PHACTR3: variants seen among roughly 807,000 people sequenced by gnomAD.
The protein encoded by PHACTR3 is phosphatase and actin regulator 3.
In PHACTR3, 16 loss-of-function variants were observed where a neutral mutation model predicts 66.8. The ratio of observed to expected loss-of-function variants is 0.24; its 90% confidence interval spans 0.16 to 0.36. The LOEUF is 0.36. Ranked by LOEUF, PHACTR3 falls within the 10% of genes least tolerant of loss-of-function variation. PHACTR3 has a pLI of 1.00. For missense variants in PHACTR3, 647 were observed against 719.9 expected (o/e 0.90, Z 1.16); for synonymous variants, 323 against 292.1 (o/e 1.11, Z -1.08).
chr20:59,604,525 C>T (rs2033587304), upstream of PHACTR3: 1 of 687,280 alleles, frequency 1.5e-6, no homozygotes, highest in Non-Finnish European at 1.8e-6. Context: ...AACAGATGCT[C>T]CAAGAACAGC....
intron 1 of PHACTR3, among the ~76,000 whole-genome samples, chr20:59,706,494 G>A (rs924183978): frequency 2.6e-5 from 4 of 152,186 alleles, no homozygotes; most frequent in African/African-American, 9.7e-5. Flanking sequence ...GGTTGGGCCT[G>A]GAGGCTACTC....
At chr20:59,825,399 T>G (rs1320528425) in intron 8 of PHACTR3, among the ~76,000 whole-genome samples, 1 of 152,212 alleles carries the variant, frequency 6.6e-6, no homozygotes, top group Admixed American at 6.5e-5. Context: ...CATTCATTCA[T>G]TCAGTCACTT....
intron 1 of PHACTR3, among the ~76,000 whole-genome samples, chr20:59,691,592 C>T (rs539069928): frequency 7.9e-5 from 12 of 152,210 alleles, no homozygotes; most frequent in African/African-American, 2.9e-4. Flanking sequence ...GTCCCTTTCC[C>T]TCATACCTTA....
chr20:59,809,698 CT>C (rs2041676974), intron 8 of PHACTR3, among the ~76,000 whole-genome samples: 1 of 152,092 alleles, frequency 6.6e-6, no homozygotes, highest in Admixed American at 6.5e-5. Flanking sequence ...AGCTCACAGC[CT>C]TTTTCTGTGA....
At chr20:59,726,280 G>GC (rs1171211163) in intron 1 of PHACTR3, among the ~76,000 whole-genome samples, 2 of 152,076 alleles carry the variant, frequency 1.3e-5, no homozygotes, top group East Asian at 1.9e-4. Flanking sequence ...CTTTTTGTTG[G>GC]CCCCCCAATC....
chr20:59,601,570 A>T (rs1600890346), upstream of PHACTR3, among the ~76,000 whole-genome samples: 1 of 152,138 alleles, frequency 6.6e-6, no homozygotes, highest in African/African-American at 2.4e-5. Context: ...CCTTTCACAC[A>T]CCTTGGGGAC....
At chr20:59,612,691 C>A (rs1447294897) in intron 1 of PHACTR3, among the ~76,000 whole-genome samples, 1 of 152,194 alleles carries the variant, frequency 6.6e-6, no homozygotes, top group South Asian at 2.1e-4. Context: ...GCTGACCATC[C>A]TGTTTTAAGA....
At chr20:59,838,411 A>G (rs574401466) in intron 9 of PHACTR3, among the ~76,000 whole-genome samples, 1 of 152,320 alleles carries the variant, frequency 6.6e-6, no homozygotes, top group East Asian at 1.9e-4. Context: ...AACTGCAGTC[A>G]TATCTGAGGA....
Position 59,731,262 on chromosome 20 carries a change from G to A in PHACTR3, c.119-11845G>A, listed in dbSNP as rs544047746. Reference sequence around the variant, plus strand: ...GAAATGCTCATTTTCCTCCTTTTCTGTAAAATATAATCTCAGGGAAGAAGT... The same window carrying A: ...GAAATGCTCATTTTCCTCCTTTTCTATAAAATATAATCTCAGGGAAGAAGT... On this transcript the variant is annotated intron_variant, in intron 1 of 12. Coordinates refer to ENST00000371015, the MANE Select transcript of PHACTR3 (RefSeq NM_080672.5). Among the ~76,000 whole-genome samples, 219 of 152,206 alleles carry A rather than the reference G, an allele frequency of 1.4e-3. 1 individual carries two copies. Among genetic ancestry groups the A allele is most frequent in the Non-Finnish European group, 2.4e-3 (164 of 67,998 alleles).
In PHACTR3 at chr20:59,616,580, G is replaced by C. The variant is rs114240061; in HGVS notation, c.118+11448G>C. Among the ~76,000 whole-genome samples the C allele has an allele frequency of 2.3e-3, 348 of 152,320 alleles. 3 individuals are homozygous for C. Among genetic ancestry groups the C allele is most frequent in the African/African-American group, 7.9e-3 (329 of 41,574 alleles). ...TGGGGGAGCTGGCTTGAGGCAGTCA[G>C]AATACTGAGTTGGGTAAAAGACCCA... On this transcript the variant is annotated intron_variant, in intron 1 of 12. Coordinates refer to ENST00000371015, the MANE Select transcript of PHACTR3 (RefSeq NM_080672.5).
At chr20:59,704,958 CTTT>C (rs552743155) in intron 1 of PHACTR3, among the ~76,000 whole-genome samples, 25 of 139,808 alleles carry the variant, frequency 1.8e-4, no homozygotes, top group Non-Finnish European at 2.2e-4. Flanking sequence ...AAGACTTTCT[CTTT>C]TTTTTTTTTT....
chr20:59,817,355 G>C (rs2041916056), intron 8 of PHACTR3, among the ~76,000 whole-genome samples: 1 of 152,200 alleles, frequency 6.6e-6, no homozygotes, highest in Admixed American at 6.5e-5. Context: ...TTTCTGAGCT[G>C]CAGGTCCTTA....
rs138117589 is a variant in PHACTR3, at chr20:59,792,776, A to G, written c.1175-13265A>G. Among the ~76,000 whole-genome samples the G allele has an allele frequency of 8.2e-3, 1,248 of 152,142 alleles. 16 individuals carry two copies. Among genetic ancestry groups the G allele is most frequent in the African/African-American group, 0.028 (1,147 of 41,514 alleles). ...AGGTCAATTGATTTTTATGTTTGAGAGTTTCATTGGTCTGTGTGTCTGTTT... is the reference window on the plus strand; with the variant it reads ...AGGTCAATTGATTTTTATGTTTGAGGGTTTCATTGGTCTGTGTGTCTGTTT... On this transcript the variant is annotated intron_variant, in intron 7 of 12. Transcript: ENST00000371015.
intron 5 of PHACTR3, among the ~76,000 whole-genome samples, chr20:59,771,751 C>T (rs1285958023): frequency 6.6e-6 from 1 of 152,248 alleles, no homozygotes; most frequent in Non-Finnish European, 1.5e-5. Flanking sequence ...CCTTGTGTGG[C>T]CAAGCAGGTG....
At chr20:59,706,866 G>A (rs1568730519) in intron 1 of PHACTR3, among the ~76,000 whole-genome samples, 3 of 152,146 alleles carry the variant, frequency 2.0e-5, no homozygotes, top group Non-Finnish European at 4.4e-5. Flanking sequence ...TTGAGGAGGA[G>A]GCAACCTGCT....
At chr20:59,841,305 T>C (rs2145515357) in intron 10 of PHACTR3, 90 bp from the exon 11 acceptor site, 2 of 1,352,526 alleles carry the variant, frequency 1.5e-6, no homozygotes, top group East Asian at 2.4e-5. Context: ...TGTTTTGTTT[T>C]GTTTTTTAAG....
At chr20:59,807,418 T>C (rs545963151) in intron 8 of PHACTR3, among the ~76,000 whole-genome samples, 6 of 152,356 alleles carry the variant, frequency 3.9e-5, no homozygotes, top group African/African-American at 1.2e-4. Context: ...GGCAGTAACA[T>C]GCGTAGAGCT....
intron 1 of PHACTR3, among the ~76,000 whole-genome samples, chr20:59,635,151 T>C (rs6100532): frequency 0.066 from 1,857 of 28,200 alleles, 44 homozygotes; most frequent in African/African-American, 0.08. Context: ...TTCTTTCTTT[T>C]TCTTTCTTTC....
At chr20:59,693,797 CCTCTTCTGTA>C (rs2037195192) in intron 1 of PHACTR3, among the ~76,000 whole-genome samples, 1 of 152,140 alleles carries the variant, frequency 6.6e-6, no homozygotes, top group South Asian at 2.1e-4. Context: ...ATGACTCAAC[CCTCTTCTGTA>C]CTCTTCATCT....
Sources: allele counts gnomAD v4.1 joint callset (sites outside exome capture counted in the v4.1 genomes callset), GRCh38; gene constraint gnomAD v4.1.1; transcripts MANE v1.5; gene names NCBI Gene and HGNC (gene_info 2026-07-23, HGNC 2026-07-21).